The following FGD6 variants were observed in gnomAD, a reference collection of about 807,000 sequenced individuals.
The protein encoded by FGD6 is FYVE, RhoGEF and PH domain-containing protein 6.
FGD6 carries 90 observed loss-of-function variants against 149.4 expected under a neutral mutation model. The observed-to-expected ratio is 0.60, with a 90% CI of 0.51 to 0.72. FGD6 has a LOEUF of 0.72. FGD6 is among the 30% of genes least tolerant of loss of function. The pLI is 0.00. For synonymous variants in FGD6, 527 were observed against 584.0 expected, an observed-to-expected ratio of 0.90 and a Z score of 1.41; for missense variants, 1,437 against 1,684.8, an observed-to-expected ratio of 0.85 and a Z score of 2.57.
At chr12:95,151,944 AAAACCTGC>A (rs1880321960) in intron 5 of FGD6, among the ~76,000 whole-genome samples, 2 of 152,208 alleles carry the variant, frequency 1.3e-5, no homozygotes, top group Admixed American at 1.3e-4. Context: ...GAAACTTGTG[AAAACCTGC>A]AAGGACAAAG....
intron 14 of FGD6, among the ~76,000 whole-genome samples, chr12:95,104,625 T>C (rs1192169440): frequency 6.6e-6 from 1 of 152,010 alleles, no homozygotes; most frequent in Non-Finnish European, 1.5e-5. Context: ...TTAGTAGAGA[T>C]GGGGTTTAAT....
intron 8 of FGD6, among the ~76,000 whole-genome samples, chr12:95,127,377 C>T (rs1270935570): frequency 6.6e-6 from 1 of 152,004 alleles, no homozygotes; most frequent in African/African-American, 2.4e-5. Flanking sequence ...AACCCCGTCT[C>T]TACTAAAAAT....
intron 2 of FGD6, among the ~76,000 whole-genome samples, chr12:95,205,614 G>C (rs1445962147): frequency 6.6e-6 from 1 of 152,226 alleles, no homozygotes; most frequent in East Asian, 1.9e-4. Flanking sequence ...TCAACAGCGA[G>C]ATTACCAAAC....
At chr12:95,158,256 CT>C (rs1163007384) in intron 3 of FGD6, among the ~76,000 whole-genome samples, 18 of 149,678 alleles carry the variant, frequency 1.2e-4, no homozygotes, top group African/African-American at 4.4e-4. Flanking sequence ...CAATCTCCGC[CT>C]CTTGGGTTCA....
intron 1 of FGD6, among the ~76,000 whole-genome samples, chr12:95,213,436 C>T (rs2056737669): frequency 1.3e-5 from 2 of 152,034 alleles, no homozygotes; most frequent in Non-Finnish European, 2.9e-5. Context: ...AAAATAGTTT[C>T]GTAAAATGAA....
At chr12:95,175,714 C>T (rs969758122) in intron 2 of FGD6, among the ~76,000 whole-genome samples, 5 of 149,820 alleles carry the variant, frequency 3.3e-5, no homozygotes, top group Admixed American at 1.3e-4. Context: ...GTAGGAGAAT[C>T]GCTTGAACCA....
chr12:95,094,043 C>T (rs930936215), intron 15 of FGD6, among the ~76,000 whole-genome samples: 16 of 151,294 alleles, frequency 1.1e-4, no homozygotes, highest in African/African-American at 3.9e-4. Flanking sequence ...CCTGTAATCC[C>T]AGCTGCTAGG....
chr12:95,133,666 T>C (rs1879586969), intron 8 of FGD6, among the ~76,000 whole-genome samples: 1 of 152,204 alleles, frequency 6.6e-6, no homozygotes, highest in Non-Finnish European at 1.5e-5. Flanking sequence ...GACGTTCTTG[T>C]CCATTTTGAT....
intron 12 of FGD6, 91 bp from the exon 13 acceptor site, chr12:95,107,128 T>A: frequency 1.1e-6 from 1 of 901,396 alleles, no homozygotes; most frequent in Non-Finnish European, 1.8e-6. Flanking sequence ...GGATAAATAA[T>A]ACCTCTTTGC....
chr12:95,102,866 G>C (rs559407767), intron 14 of FGD6, among the ~76,000 whole-genome samples: 164 of 152,284 alleles, frequency 1.1e-3, no homozygotes, highest in Middle Eastern at 3.4e-3. Context: ...ATGTGTTATT[G>C]AACCTCTCTG....
At chr12:95,181,921 G>A (rs1265900258) in intron 2 of FGD6, among the ~76,000 whole-genome samples, 2 of 147,332 alleles carry the variant, frequency 1.4e-5, no homozygotes, top group African/African-American at 5.0e-5. Flanking sequence ...TCCAGCCTGA[G>A]AGACACAGCG....
At chr12:95,147,917 C>A (rs1338637501) in intron 5 of FGD6, among the ~76,000 whole-genome samples, 1 of 152,096 alleles carries the variant, frequency 6.6e-6, no homozygotes, top group Non-Finnish European at 1.5e-5. Context: ...CACAAGTCAC[C>A]TTCCCTCCCT....
intron 5 of FGD6, among the ~76,000 whole-genome samples, chr12:95,147,461 C>A (rs1880050212): frequency 6.6e-6 from 1 of 152,084 alleles, no homozygotes; most frequent in Non-Finnish European, 1.5e-5. Flanking sequence ...ATCATAATAA[C>A]TCTAAGTGAC....
chr12:95,141,361 GA>G, intron 6 of FGD6, 26 bp downstream of exon 6: 1 of 1,606,692 alleles, frequency 6.2e-7, no homozygotes, highest in Admixed American at 1.7e-5. Flanking sequence ...GAAACACTAG[GA>G]AAATCTGAAA....
At chr12:95,174,125 T>G (rs970945210) in intron 2 of FGD6, among the ~76,000 whole-genome samples, 7 of 152,016 alleles carry the variant, frequency 4.6e-5, no homozygotes, top group Non-Finnish European at 1.0e-4. Flanking sequence ...CCCCAAGACA[T>G]GCAGGAGACT....
intron 3 of FGD6, among the ~76,000 whole-genome samples, chr12:95,171,542 GTCTCAC>G (rs908709415): frequency 5.9e-5 from 9 of 152,148 alleles, no homozygotes; most frequent in Non-Finnish European, 1.3e-4. Flanking sequence ...TTGAGACGGA[GTCTCAC>G]TCTGTCACCC....
intron 5 of FGD6, among the ~76,000 whole-genome samples, chr12:95,149,367 T>C (rs1475805715): frequency 8.6e-6 from 1 of 116,760 alleles, no homozygotes. Flanking sequence ...TTATATTATA[T>C]ATAGCACATA....
intron 6 of FGD6, among the ~76,000 whole-genome samples, chr12:95,139,497 A>T (rs935120432): frequency 6.6e-6 from 1 of 151,828 alleles, no homozygotes; most frequent in Non-Finnish European, 1.5e-5. Context: ...CTTAAGAAAA[A>T]AAAAAAGATT....
At chr12:95,204,697 C>T (rs917718873) in intron 2 of FGD6, among the ~76,000 whole-genome samples, 2 of 143,386 alleles carry the variant, frequency 1.4e-5, no homozygotes, top group South Asian at 2.3e-4. Flanking sequence ...CAGGGACACA[C>T]GTGCATGCAC....
Sources: gnomAD v4.1 joint callset for allele counts (sites outside exome capture counted in the v4.1 genomes callset) on GRCh38, gnomAD v4.1.1 for gene constraint, MANE v1.5 for transcripts, NCBI Gene and HGNC (gene_info 2026-07-23, HGNC 2026-07-21) for gene names.